The following SORCS1 variants were observed in gnomAD, a reference collection of about 807,000 sequenced individuals.
SORCS1 encodes the protein VPS10 domain-containing receptor SorCS1.
In SORCS1, 60 loss-of-function variants were observed where a neutral mutation model predicts 146.1. The observed-to-expected ratio is 0.41, with a 90% CI of 0.33 to 0.51. The LOEUF (loss-of-function observed/expected upper bound fraction) is 0.51. Ranked by LOEUF, SORCS1 falls within the 20% of genes least tolerant of loss-of-function variation. SORCS1 has a pLI of 0.21. For synonymous variants in SORCS1, 637 were observed against 584.0 expected, an observed-to-expected ratio of 1.09 and a Z score of -1.31; for missense variants, 1,352 against 1,487.6, an observed-to-expected ratio of 0.91 and a Z score of 1.50.
intron 1 of SORCS1, among the ~76,000 whole-genome samples, chr10:107,031,170 T>C (rs1958634201): frequency 6.6e-6 from 1 of 152,194 alleles, no homozygotes; most frequent in East Asian, 1.9e-4. Context: ...GGTTTGAAAA[T>C]ATTGATAGAA....
At chr10:107,108,210 T>C (rs1965433682) in intron 1 of SORCS1, among the ~76,000 whole-genome samples, 1 of 152,216 alleles carries the variant, frequency 6.6e-6, no homozygotes, top group Non-Finnish European at 1.5e-5. Context: ...CTCAGCTGTA[T>C]ATCCTGAAGC....
At chr10:106,989,674 TTTTTTG>T (rs1272596936) in intron 1 of SORCS1, among the ~76,000 whole-genome samples, 63 of 82,978 alleles carry the variant, frequency 7.6e-4, no homozygotes, top group African/African-American at 2.2e-3. Flanking sequence ...TTTTCTGTTT[TTTTTTG>T]TTTTTTTTTT....
At chr10:106,622,678 G>A (rs1003198005) in intron 19 of SORCS1, among the ~76,000 whole-genome samples, 12 of 152,086 alleles carry the variant, frequency 7.9e-5, no homozygotes, top group South Asian at 2.1e-4. Context: ...TTTACTGAGC[G>A]ATGACTACAA....
In SORCS1 at chr10:106,579,358, G is replaced by A. The variant is rs41310306; in HGVS notation, c.3371+11C>T. 6.2e-7 allele frequency: 1 copy of A among 1,613,982 alleles called. No individual in the cohort carries two copies. The highest frequency in any genetic ancestry group is 1.3e-5 in the African/African-American group (1 of 74,998). ...TCAGGGGTGGGGGAACGTGGATAGA[G>A]GGACACGCACCTTTTAAACTTGTAG... On this transcript the variant is annotated intron_variant, in intron 25 of 25. Transcript: ENST00000263054.
chr10:107,051,768 C>T (rs1030884285), intron 1 of SORCS1, among the ~76,000 whole-genome samples: 16 of 152,242 alleles, frequency 1.1e-4, no homozygotes, highest in Admixed American at 5.2e-4. Flanking sequence ...AAAATGAAAC[C>T]AAGAATTCCA....
chr10:106,629,605 G>T (rs1385760268), intron 18 of SORCS1, among the ~76,000 whole-genome samples: 1 of 152,156 alleles, frequency 6.6e-6, no homozygotes, highest in African/African-American at 2.4e-5. Context: ...CAAATCTGAA[G>T]GACACCAACT....
At chr10:106,889,520 T>C (rs1042585544) in intron 2 of SORCS1, among the ~76,000 whole-genome samples, 1 of 152,000 alleles carries the variant, frequency 6.6e-6, no homozygotes, top group Non-Finnish European at 1.5e-5. Flanking sequence ...TCCCAGCACT[T>C]TGGGAGGCCG....
chr10:107,088,905 C>T (rs1229364488), intron 1 of SORCS1, among the ~76,000 whole-genome samples: 2 of 152,258 alleles, frequency 1.3e-5, no homozygotes, highest in Middle Eastern at 3.4e-3. Flanking sequence ...TCAGTGCCTC[C>T]TCTACTTAAG....
At chr10:106,907,994 T>C (rs1184224204) in intron 2 of SORCS1, among the ~76,000 whole-genome samples, 1 of 152,198 alleles carries the variant, frequency 6.6e-6, no homozygotes, top group Non-Finnish European at 1.5e-5. Flanking sequence ...CATTATCCTT[T>C]CTCTGACATC....
chr10:106,956,702 T>TA, intron 1 of SORCS1, 122 bp from the exon 2 acceptor site: 1 of 837,712 alleles, frequency 1.2e-6, no homozygotes, highest in Non-Finnish European at 1.9e-6. Flanking sequence ...AATGAATTGT[T>TA]ACAGCATTTG....
At chr10:106,941,047 A>G (rs562436054) in intron 2 of SORCS1, among the ~76,000 whole-genome samples, 37 of 152,220 alleles carry the variant, frequency 2.4e-4, no homozygotes, top group Admixed American at 1.4e-3. Flanking sequence ...TGTTCGGGTT[A>G]CCTCCCTATG....
At chr10:106,997,964 G>A (rs1242102653) in intron 1 of SORCS1, among the ~76,000 whole-genome samples, 1 of 152,120 alleles carries the variant, frequency 6.6e-6, no homozygotes, top group African/African-American at 2.4e-5. Context: ...CATATATTCT[G>A]GTTACTTCCC....
intron 2 of SORCS1, among the ~76,000 whole-genome samples, chr10:106,891,169 G>A (rs931920460): frequency 6.6e-6 from 1 of 152,238 alleles, no homozygotes; most frequent in East Asian, 1.9e-4. Context: ...CTAAGAAACA[G>A]AATATTATTA....
In SORCS1 at chr10:106,614,129, C is replaced by G. The variant is rs1278867269; in HGVS notation, c.2921-2106G>C. Among the ~76,000 whole-genome samples the G allele has an allele frequency of 3.3e-5, 5 of 152,176 alleles. No individual in the cohort carries two copies. The East Asian group carries it at 9.6e-4, about 29-fold the overall frequency. ...ATGGCTCTGTGTTCCTGGCCCTTGT[C>G]TAGCACACAGTAGGTTTTCAGTTAC... On this transcript the variant is annotated intron_variant, in intron 21 of 25. Transcript: ENST00000263054.
At chr10:106,616,948 CTTTCT>C (rs141100607) in intron 21 of SORCS1, among the ~76,000 whole-genome samples, 140,381 of 145,266 alleles carry the variant, frequency 0.97, 67,917 homozygotes, top group South Asian at 1. Flanking sequence ...CTCTCTTGCT[CTTTCT>C]TTTTTTTTTT....
At chr10:106,831,086 G>C (rs1329125576) in intron 2 of SORCS1, among the ~76,000 whole-genome samples, 1 of 151,958 alleles carries the variant, frequency 6.6e-6, no homozygotes, top group Non-Finnish European at 1.5e-5. Context: ...CCAGCTACTC[G>C]GGAGGCCAAG....
At chr10:106,686,672 C>T (rs1297389652) in intron 10 of SORCS1, among the ~76,000 whole-genome samples, 1 of 152,190 alleles carries the variant, frequency 6.6e-6, no homozygotes, top group Non-Finnish European at 1.5e-5. Context: ...TTTTCCTCCT[C>T]TTAAGTTGCC....
intron 20 of SORCS1, among the ~76,000 whole-genome samples, chr10:106,619,904 G>C (rs1336554565): frequency 1.3e-5 from 2 of 152,178 alleles, no homozygotes; most frequent in African/African-American, 4.8e-5. Context: ...TTGATTTAGG[G>C]TAAGAAGGCC....
intron 2 of SORCS1, among the ~76,000 whole-genome samples, chr10:106,955,333 C>T (rs977596030): frequency 6.6e-6 from 1 of 152,240 alleles, no homozygotes; most frequent in South Asian, 2.1e-4. Context: ...CTGGTCCAGC[C>T]ACAGCCTTGC....
Sources: allele counts gnomAD v4.1 joint callset (sites outside exome capture counted in the v4.1 genomes callset), GRCh38; gene constraint gnomAD v4.1.1; transcripts MANE v1.5; gene names NCBI Gene and HGNC (gene_info 2026-07-23, HGNC 2026-07-21).